ATP6V1C1: variants seen among roughly 807,000 people sequenced by gnomAD.
The protein encoded by ATP6V1C1 is ATPase H+ transporting V1 subunit C1.
ATP6V1C1 carries 45 observed loss-of-function variants against 53.9 expected under a neutral mutation model. The ratio of observed to expected loss-of-function variants is 0.83; its 90% CI spans 0.66 to 1.07. The LOEUF is 1.07. Among genes scored for constraint, ATP6V1C1 ranks in the 50% least tolerant of loss-of-function variants. ATP6V1C1 has a pLI of 0.00. For missense variants in ATP6V1C1, 315 were observed against 440.3 expected (o/e 0.72, Z 2.55); for synonymous variants, 153 against 155.2 (o/e 0.99, Z 0.11).
chr8:103,067,236 T>G (rs918228011), intron 12 of ATP6V1C1, among the ~76,000 whole-genome samples: 23 of 151,924 alleles, frequency 1.5e-4, no homozygotes, highest in Non-Finnish European at 1.5e-5. Context: ...CCGTCTCTAC[T>G]AGAAATACAA....
chr8:103,042,736 A>G (rs950700125), intron 3 of ATP6V1C1, among the ~76,000 whole-genome samples: 11 of 152,172 alleles, frequency 7.2e-5, no homozygotes, highest in African/African-American at 9.7e-5. Flanking sequence ...TAAATATTTC[A>G]TCATCCTCTA....
intron 1 of ATP6V1C1, among the ~76,000 whole-genome samples, chr8:103,035,512 G>C (rs538589177): frequency 6.6e-5 from 10 of 152,164 alleles, no homozygotes; most frequent in African/African-American, 2.4e-4. Flanking sequence ...CGATGAGTGC[G>C]TAGTAGGGGC....
intron 1 of ATP6V1C1, chr8:103,021,460 TAATGAC>T (rs1239931715): frequency 6.6e-6 from 1 of 152,216 alleles, no homozygotes; most frequent in Non-Finnish European, 1.5e-5. Flanking sequence ...CGTGGGTAGT[TAATGAC>T]AGGCAGAAAG....
chr8:103,042,741 C>A (rs778032119), intron 3 of ATP6V1C1, among the ~76,000 whole-genome samples: 1 of 152,104 alleles, frequency 6.6e-6, no homozygotes, highest in Non-Finnish European at 1.5e-5. Flanking sequence ...ATTTCATCAT[C>A]CTCTATTCCT....
rs3837181 is a variant in ATP6V1C1, at chr8:103,034,569, ATT to A, written c.-39-6213_-39-6212del. On this transcript the variant is annotated intron_variant, in intron 1 of 12. Coordinates refer to ENST00000518738, the MANE Select transcript of ATP6V1C1 (RefSeq NM_001695.5). The stretch of plus-strand genomic sequence containing the variant: ...AAATTGTTCTTAAATTTCAAGGATA[ATT>A]TTTTTTTTTTTTTTTGAGATGAAGT... Among the ~76,000 whole-genome samples the A allele has an allele frequency of 7.7e-3, 1,069 of 139,410 alleles. 12 individuals are homozygous for A. Among genetic ancestry groups the A allele is most frequent in the Middle Eastern group, 0.029 (8 of 272 alleles). 91.5% of individuals were successfully genotyped at this position (139,410 alleles called of 152,430 possible). A position where few individuals can be genotyped will look rare whatever the true frequency, so the allele number is the denominator to read the frequency against.
chr8:103,066,127 G>A (rs986533498), intron 11 of ATP6V1C1, among the ~76,000 whole-genome samples, 194 bp from the exon 12 acceptor site: 18 of 152,034 alleles, frequency 1.2e-4, no homozygotes, highest in Non-Finnish European at 1.9e-4. Context: ...AAAGGTTTGC[G>A]TTTCTGTTTA....
At chr8:103,037,218 A>G (rs1415550123) in intron 1 of ATP6V1C1, among the ~76,000 whole-genome samples, 4 of 152,188 alleles carry the variant, frequency 2.6e-5, no homozygotes, top group African/African-American at 7.2e-5. Context: ...TTTAAAAGCA[A>G]CTTCTTGAGA....
At chr8:103,052,433 T>A (rs1817216961) in intron 5 of ATP6V1C1, among the ~76,000 whole-genome samples, 1 of 152,042 alleles carries the variant, frequency 6.6e-6, no homozygotes, top group Admixed American at 6.6e-5. Flanking sequence ...TAAATAGTAA[T>A]CTCCAAACCC....
rs1202442625 is a variant in ATP6V1C1 at position 103,040,766 on chromosome 8, A to C, written c.-39-32A>C. On this transcript the variant is annotated intron_variant, in intron 1 of 12. Coordinates refer to ENST00000518738, the MANE Select transcript of ATP6V1C1 (RefSeq NM_001695.5). ...ACACTTTAGAAACAAATGATTTTAA[A>C]TGTGATTTTTTTTATTTGTTTTACA... 3.3e-6 allele frequency: 5 copies of C among 1,537,898 alleles called. No individual in the cohort carries two copies. In the East Asian group the frequency reaches 9.1e-5, roughly 28 times the overall value.
chr8:103,034,948 A>G (rs919292636), intron 1 of ATP6V1C1, among the ~76,000 whole-genome samples: 1 of 152,074 alleles, frequency 6.6e-6, no homozygotes, highest in African/African-American at 2.4e-5. Context: ...GAAAAAACAG[A>G]TTTTGCAAAA....
chr8:103,055,686 A>G (rs1439686272), intron 7 of ATP6V1C1, among the ~76,000 whole-genome samples, 182 bp from the exon 8 acceptor site: 1 of 152,134 alleles, frequency 6.6e-6, no homozygotes, highest in Non-Finnish European at 1.5e-5. Context: ...TTTTTCCTGC[A>G]TTACTCAGTG....
At chr8:103,068,476 C>G (rs1388848600) in intron 12 of ATP6V1C1, among the ~76,000 whole-genome samples, 176 bp from the exon 13 acceptor site, 2 of 152,182 alleles carry the variant, frequency 1.3e-5, no homozygotes, top group African/African-American at 4.8e-5. Context: ...GTCAGTCTTT[C>G]AGAGATTGTT....
At position 103,069,841 on chromosome 8, in the gene ATP6V1C1, C is replaced by T. The variant is rs1817554971; in HGVS notation, c.*1094C>T. On this transcript the variant is annotated 3_prime_UTR_variant, in exon 13 of 13. Coordinates refer to ENST00000518738, the MANE Select transcript of ATP6V1C1 (RefSeq NM_001695.5). Reference sequence around the variant, plus strand: ...GGGCATATCTAAGCTATGCTATTCCCTTTAGAAAATTAGCCTCCAAAATCT... The same window carrying T: ...GGGCATATCTAAGCTATGCTATTCCTTTTAGAAAATTAGCCTCCAAAATCT... The T allele has an allele frequency of 6.6e-6, 1 of 152,152 alleles. No homozygotes were observed. Among genetic ancestry groups the T allele is most frequent in the Non-Finnish European group, 1.5e-5 (1 of 68,030 alleles). 9.4% of individuals were successfully genotyped at this position (152,152 alleles called of 1,614,324 possible). A position where few individuals can be genotyped will look rare whatever the true frequency, so the allele number is the denominator to read the frequency against.
Position 103,052,830 on chromosome 8 carries a change from G to C in ATP6V1C1, c.473+8G>C. 1 of 1,549,812 alleles carries C rather than the reference G, an allele frequency of 6.5e-7. No individual in the cohort carries two copies. The highest frequency in any genetic ancestry group is 8.7e-7 in the Non-Finnish European group (1 of 1,143,006). On this transcript the variant is annotated splice_region_variant and intron_variant, in intron 6 of 12. Coordinates refer to ENST00000518738, the MANE Select transcript of ATP6V1C1 (RefSeq NM_001695.5). ...TTTGGAACGAAAGAATGCGTAAGCA[G>C]ATCAAGTATATTTGAGTACTAAGAA...
chr8:103,039,239 G>A (rs1816951832), intron 1 of ATP6V1C1, among the ~76,000 whole-genome samples: 1 of 152,118 alleles, frequency 6.6e-6, no homozygotes, highest in Non-Finnish European at 1.5e-5. Context: ...CCTTTTATAT[G>A]GTAGATCCTC....
In ATP6V1C1 at chr8:103,051,668, A is replaced by G. The variant is rs556526994; in HGVS notation, c.381+524A>G. 2.6e-5 allele frequency among the ~76,000 whole-genome samples: 4 copies of G among 152,284 alleles called. No individual in the cohort carries two copies. In the East Asian group the frequency reaches 7.7e-4, roughly 29 times the overall value. On this transcript the variant is annotated intron_variant, in intron 5 of 12. Transcript: ENST00000518738. ...AGTACATGGACCTTGAAGCCGATGC[A>G]TGAACCCACCAAGTTAAGAGCTCCT...
intron 10 of ATP6V1C1, 179 bp downstream of exon 10, chr8:103,063,407 A>G: frequency 2.0e-6 from 1 of 512,426 alleles, no homozygotes; most frequent in East Asian, 3.2e-5. Context: ...TTCTAGAGAT[A>G]ACTATTCTAT....
intron 1 of ATP6V1C1, among the ~76,000 whole-genome samples, chr8:103,033,808 G>A (rs1016410458): frequency 7.2e-5 from 11 of 152,296 alleles, no homozygotes; most frequent in South Asian, 4.1e-4. Context: ...GTTAATACAC[G>A]TGAAGTGTTT....
intron 8 of ATP6V1C1, among the ~76,000 whole-genome samples, chr8:103,059,642 A>G (rs560065854): frequency 4.6e-5 from 7 of 151,520 alleles, no homozygotes; most frequent in African/African-American, 1.7e-4. Flanking sequence ...AATATCTACA[A>G]TTTCATAGGG....
Sources: allele counts gnomAD v4.1 joint callset (sites outside exome capture counted in the v4.1 genomes callset), GRCh38; gene constraint gnomAD v4.1.1; transcripts MANE v1.5; gene names NCBI Gene and HGNC (gene_info 2026-07-23, HGNC 2026-07-21).